The following GLRX3 variants were observed in gnomAD, a reference collection of about 807,000 sequenced individuals.
GLRX3 encodes glutaredoxin 3.
Under a neutral mutation model 49.5 loss-of-function variants are expected in GLRX3, and 22 were observed. That is an observed-to-expected ratio of 0.44 (90% CI 0.32 to 0.63). The LOEUF (loss-of-function observed/expected upper bound fraction) is 0.63, where lower values mean the gene tolerates loss of function less well. Ranked by LOEUF, GLRX3 falls within the 30% of genes least tolerant of loss-of-function variation. The probability of loss-of-function intolerance (pLI) is 0.05; values close to 1 mark genes in which losing one functional copy is unlikely to be tolerated. For missense variants in GLRX3, 385 were observed against 396.3 expected, an observed-to-expected ratio of 0.97 and a Z score of 0.24; for synonymous variants, 133 against 140.0, an observed-to-expected ratio of 0.95 and a Z score of 0.35.
intron 1 of GLRX3, among the ~76,000 whole-genome samples, chr10:130,143,555 G>A (rs191451563): frequency 6.6e-6 from 1 of 151,358 alleles, no homozygotes; most frequent in African/African-American, 2.4e-5. Flanking sequence ...TTTTAAATGG[G>A]TCTTGCTCTG....
chr10:130,162,197 G>A (rs958314168), intron 4 of GLRX3, among the ~76,000 whole-genome samples: 5 of 152,092 alleles, frequency 3.3e-5, no homozygotes, highest in Non-Finnish European at 5.9e-5. Context: ...TCAGGCTGGT[G>A]TCAAACTCCT....
intron 4 of GLRX3, among the ~76,000 whole-genome samples, chr10:130,165,825 A>G (rs1862673560): frequency 6.6e-6 from 1 of 152,206 alleles, no homozygotes; most frequent in Non-Finnish European, 1.5e-5. Flanking sequence ...GAATTTTTTC[A>G]TCTGCCCAGA....
intron 6 of GLRX3, among the ~76,000 whole-genome samples, chr10:130,167,270 A>G (rs940642345): frequency 4.6e-5 from 7 of 152,210 alleles, no homozygotes; most frequent in Non-Finnish European, 1.0e-4. Flanking sequence ...TTTCAGAGCC[A>G]GGGTCCAGTT....
rs1220421788 is a variant in GLRX3 at position 130,160,869 on chromosome 10, C to A, written c.350C>A (p.Ser117Tyr). The change falls in exon 4 of 11, where the codon TCT becomes TAT. Residue 117 changes from serine to tyrosine, a missense_variant. Ser to Tyr is a moderately radical substitution (Grantham distance 144). Coordinates refer to ENST00000331244, the MANE Select transcript of GLRX3 (RefSeq NM_006541.5). ...ELTKKVQRHA[S>Y]SGSFLPSANE... is the part of the protein sequence containing the mutation. ...ACCAAAAAAGTTCAGCGACATGCAT[C>A]TAGTGGCTCCTTCCTACCCAGCGCT... 1 of 1,609,922 alleles carries A rather than the reference C, an allele frequency of 6.2e-7. No homozygotes were observed. The highest frequency in any genetic ancestry group is 8.5e-7 in the Non-Finnish European group (1 of 1,176,180).
chr10:130,160,604 T>C (rs776972441), intron 3 of GLRX3, among the ~76,000 whole-genome samples, 192 bp from the exon 4 acceptor site: 38 of 152,326 alleles, frequency 2.5e-4, no homozygotes, highest in Non-Finnish European at 4.1e-4. Context: ...TGTTGCAGTG[T>C]TTTCTCAGTG....
At chr10:130,139,738 C>T (rs1382601604) in intron 1 of GLRX3, among the ~76,000 whole-genome samples, 3 of 151,270 alleles carry the variant, frequency 2.0e-5, no homozygotes, top group African/African-American at 7.3e-5. Context: ...TTGAGAGTAG[C>T]TTGAACAACA....
In GLRX3 at chr10:130,166,506, G is replaced by A; in HGVS notation, c.479-1G>A. On this transcript the variant is annotated splice_acceptor_variant, in intron 4 of 10. Transcript: ENST00000331244. LOFTEE classifies it high-confidence loss of function. ...TGCTTTATTTCTTTTTTTGTGTACAGGTTTCAGCAAGCAGATGGTGGAAAT... is the reference window on the plus strand; with the variant it reads ...TGCTTTATTTCTTTTTTTGTGTACAAGTTTCAGCAAGCAGATGGTGGAAAT... 3 of 1,611,192 alleles carry A rather than the reference G, an allele frequency of 1.9e-6. No homozygotes were observed. The highest frequency in any genetic ancestry group is 2.5e-6 in the Non-Finnish European group (3 of 1,177,754).
intron 2 of GLRX3, among the ~76,000 whole-genome samples, chr10:130,148,773 G>A (rs890972652): frequency 2.6e-5 from 4 of 151,996 alleles, no homozygotes. Flanking sequence ...GTCGTAAAGT[G>A]TATTTGGGGT....
At position 130,160,961 on chromosome 10, in the gene GLRX3, C is replaced by G. The variant is rs376644172; in HGVS notation, c.442C>G (p.Leu148Val). Reference sequence around the variant, plus strand: ...ATTGACTCATGCTGCCCCCTGCATGCTGTTTATGAAAGGAACTCCTCAAGA... The same window carrying G: ...ATTGACTCATGCTGCCCCCTGCATGGTGTTTATGAAAGGAACTCCTCAAGA... Reference protein sequence around the residue: ...KKLTHAAPCMLFMKGTPQEPR... With the variant: ...KKLTHAAPCMVFMKGTPQEPR... Residue 148 changes from leucine to valine, a missense_variant, in exon 4 of 11, where the codon CTG becomes GTG. This residue lies in a region of GLRX3 where 374 missense variants were observed against 358.6 expected (regional missense o/e 1.04). Coordinates refer to ENST00000331244, the MANE Select transcript of GLRX3 (RefSeq NM_006541.5). The G allele has an allele frequency of 1.3e-5, 21 of 1,613,430 alleles. 1 individual carries two copies. The highest frequency in any genetic ancestry group is 5.3e-5 in the African/African-American group (4 of 74,910).
intron 2 of GLRX3, among the ~76,000 whole-genome samples, chr10:130,154,950 G>A (rs529059811): frequency 6.6e-6 from 1 of 152,286 alleles, no homozygotes; most frequent in African/African-American, 2.4e-5. Context: ...TGGGCTGGAA[G>A]GGTGTATCTA....
In GLRX3 at chr10:130,149,398, C is replaced by T. The variant is rs115207486; in HGVS notation, c.201+4079C>T. On this transcript the variant is annotated intron_variant, in intron 2 of 10. Transcript: ENST00000331244. ...TGGAGGTTGCAGTGACCCGAGATCGCGCTACTGCACTCCGGCCTGCGTGAC... is the reference window on the plus strand; with the variant it reads ...TGGAGGTTGCAGTGACCCGAGATCGTGCTACTGCACTCCGGCCTGCGTGAC... Among the ~76,000 whole-genome samples the T allele has an allele frequency of 3.9e-3, 595 of 151,388 alleles. 4 individuals carry two copies. Among genetic ancestry groups the T allele is most frequent in the African/African-American group, 0.014 (562 of 41,186 alleles).
At chr10:130,173,594 C>A (rs1862856921) in intron 8 of GLRX3, among the ~76,000 whole-genome samples, 1 of 152,150 alleles carries the variant, frequency 6.6e-6, no homozygotes, top group African/African-American at 2.4e-5. Flanking sequence ...AGGAAGTATA[C>A]TGGCTGTTAG....
chr10:130,146,898 A>G (rs1303883252), intron 2 of GLRX3, among the ~76,000 whole-genome samples: 1 of 152,210 alleles, frequency 6.6e-6, no homozygotes, highest in East Asian at 1.9e-4. Flanking sequence ...TGTATAAATA[A>G]GTTTGCTTTG....
At chr10:130,137,036 G>A (rs1329285521) in intron 1 of GLRX3, among the ~76,000 whole-genome samples, 5 of 152,262 alleles carry the variant, frequency 3.3e-5, no homozygotes, top group African/African-American at 1.2e-4. Flanking sequence ...CCCTGTCGCA[G>A]GAAGAGCGGC....
chr10:130,164,530 A>T (rs762879448), intron 4 of GLRX3, among the ~76,000 whole-genome samples: 23 of 152,168 alleles, frequency 1.5e-4, no homozygotes, highest in Admixed American at 5.2e-4. Context: ...GGTGTTAGGC[A>T]CCTATTCATG....
chr10:130,151,921 C>A (rs1005291835), intron 2 of GLRX3, among the ~76,000 whole-genome samples: 2 of 152,164 alleles, frequency 1.3e-5, no homozygotes, highest in African/African-American at 4.8e-5. Flanking sequence ...ATACAGCACA[C>A]CGATGGGTCT....
chr10:130,179,533 C>T lies in GLRX3; in HGVS notation c.*141C>T, dbSNP rs535380092. ...ACATGTTTTGTGTATTTCACAATGT[C>T]GTGCTAAATAAATGTATGTTACATT... On this transcript the variant is annotated 3_prime_UTR_variant, in exon 11 of 11. Transcript: ENST00000331244. 13 of 626,398 alleles carry T rather than the reference C, an allele frequency of 2.1e-5. No individual in the cohort carries two copies. The Admixed American group carries it at 2.2e-4, about 11-fold the overall frequency. 38.8% of individuals were successfully genotyped at this position (626,398 alleles called of 1,614,324 possible).
At chr10:130,139,653 AAC>A (rs1283857536) in intron 1 of GLRX3, among the ~76,000 whole-genome samples, 32 of 141,946 alleles carry the variant, frequency 2.3e-4, no homozygotes, top group Non-Finnish European at 2.5e-4. Flanking sequence ...AAAAAAAAAA[AAC>A]CAAAAAAAGA....
intron 2 of GLRX3, among the ~76,000 whole-genome samples, chr10:130,151,545 C>T (rs965686394): frequency 4.6e-5 from 7 of 152,058 alleles, no homozygotes; most frequent in African/African-American, 9.6e-5. Flanking sequence ...CAACAGGCCC[C>T]GGTGTGTGAT....
Sources: gnomAD v4.1 joint callset for allele counts (sites outside exome capture counted in the v4.1 genomes callset) on GRCh38, gnomAD v4.1.1 for gene constraint, gnomAD v4.1.1 regional missense constraint, MANE v1.5 for transcripts, NCBI Gene and HGNC (gene_info 2026-07-23, HGNC 2026-07-21) for gene names.